CPAMD8: variants seen among roughly 807,000 people sequenced by gnomAD.
CPAMD8 encodes C3 and PZP like alpha-2-macroglobulin domain containing 8, also known as C3 and PZP-like alpha-2-macroglobulin domain-containing protein 8.
A neutral mutation model predicts 224.7 loss-of-function variants in CPAMD8; 146 were observed. The ratio of observed to expected loss-of-function variants is 0.65; its 90% CI spans 0.57 to 0.75. CPAMD8 has a LOEUF of 0.75. Among genes scored for constraint, CPAMD8 ranks in the 30% least tolerant of loss-of-function variants. The pLI is 0.00. For synonymous variants in CPAMD8, 966 were observed against 1,044.6 expected (o/e 0.92, Z 1.45); for missense variants, 2,301 against 2,537.5 (o/e 0.91, Z 2.00).
At chr19:16,979,768 T>C (rs145926320) in intron 14 of CPAMD8, among the ~76,000 whole-genome samples, 69 of 151,826 alleles carry the variant, frequency 4.5e-4, no homozygotes, top group African/African-American at 1.6e-3. Flanking sequence ...CTTGCCCAAA[T>C]GTTGATAGTG....
intron 16 of CPAMD8, among the ~76,000 whole-genome samples, chr19:16,975,647 A>G (rs1319773800): frequency 6.6e-6 from 1 of 152,034 alleles, no homozygotes. Context: ...GGTGTTCGCT[A>G]CAGTGAGCTA....
intron 20 of CPAMD8, among the ~76,000 whole-genome samples, chr19:16,951,602 CAT>C (rs1376692253): frequency 6.6e-6 from 1 of 152,078 alleles, no homozygotes; most frequent in African/African-American, 2.4e-5. Flanking sequence ...TCCATGCTAT[CAT>C]ATATGATACC....
At chr19:16,904,766 G>A (rs1042457338) in intron 30 of CPAMD8, among the ~76,000 whole-genome samples, 4 of 152,176 alleles carry the variant, frequency 2.6e-5, no homozygotes, top group Non-Finnish European at 5.9e-5. Flanking sequence ...TGTGCCCCTG[G>A]CAGACATCGT....
intron 13 of CPAMD8, among the ~76,000 whole-genome samples, chr19:16,984,844 A>G (rs1007964407): frequency 2.6e-5 from 4 of 152,116 alleles, no homozygotes; most frequent in African/African-American, 9.7e-5. Flanking sequence ...ACCCCTAAAA[A>G]CCAAGTACAT....
At chr19:16,894,921 A>AAC (rs3032709) in intron 41 of CPAMD8, 68,585 of 151,438 alleles carry the variant, frequency 0.45, 18,332 homozygotes, top group Non-Finnish European at 0.55. Flanking sequence ...CCATCTCTAC[A>AAC]ACACACACAC....
At chr19:16,962,269 A>G (rs1443166161) in intron 18 of CPAMD8, among the ~76,000 whole-genome samples, 1 of 152,220 alleles carries the variant, frequency 6.6e-6, no homozygotes, top group Non-Finnish European at 1.5e-5. Context: ...GTTCAAACCC[A>G]TCGCAAGGAA....
intron 30 of CPAMD8, among the ~76,000 whole-genome samples, chr19:16,906,386 CTTTCTTTCTTTCTTTCT>C (rs2052503441): frequency 6.5e-4 from 49 of 75,570 alleles, no homozygotes; most frequent in African/African-American, 1.5e-3. Flanking sequence ...TTCTTTCTTT[CTTTCTTTCTTTCTTTCT>C]TTCTTTCCTT....
chr19:17,008,629 GAT>G, intron 6 of CPAMD8, 70 bp from the exon 7 acceptor site: 1 of 1,512,152 alleles, frequency 6.6e-7, no homozygotes, highest in Non-Finnish European at 9.2e-7. Flanking sequence ...CCAATGTAAG[GAT>G]TTTCCCAGTC....
chr19:17,012,691 C>T (rs1223400873), intron 3 of CPAMD8, among the ~76,000 whole-genome samples: 1 of 152,180 alleles, frequency 6.6e-6, no homozygotes, highest in East Asian at 1.9e-4. Context: ...AGTTATGGAG[C>T]CTTCTCTTCT....
chr19:16,989,802 C>T (rs112713329), intron 12 of CPAMD8, 31 bp from the exon 13 acceptor site: 108 of 1,610,120 alleles, frequency 6.7e-5, no homozygotes, highest in African/African-American at 4.3e-4. Flanking sequence ...GATCAACACC[C>T]GAGTGCCAAG....
chr19:16,938,560 T>C (rs1488737141), intron 22 of CPAMD8, 114 bp from the exon 23 acceptor site: 2 of 634,406 alleles, frequency 3.2e-6, no homozygotes, highest in Admixed American at 6.8e-5. Context: ...CACATAATTG[T>C]GCTTCCAGGT....
intron 41 of CPAMD8, chr19:16,893,839 C>T (rs1194554019): frequency 6.3e-6 from 1 of 158,192 alleles, no homozygotes; most frequent in African/African-American, 2.4e-5. Flanking sequence ...CCCGAGGTCC[C>T]CGGGGGGCGA....
At chr19:16,914,547 C>A in intron 28 of CPAMD8, 49 bp from the exon 29 acceptor site, 1 of 1,608,592 alleles carries the variant, frequency 6.2e-7, no homozygotes, top group African/African-American at 1.3e-5. Flanking sequence ...AGACAGTCCA[C>A]TTCCCCCCAC....
At chr19:16,992,785 G>A (rs1199468417) in intron 12 of CPAMD8, among the ~76,000 whole-genome samples, 4 of 152,064 alleles carry the variant, frequency 2.6e-5, no homozygotes, top group African/African-American at 9.7e-5. Context: ...GCTGGGTGAG[G>A]TGCTAATTAC....
chr19:16,978,674 G>T (rs1332339355), intron 14 of CPAMD8, among the ~76,000 whole-genome samples: 1 of 152,116 alleles, frequency 6.6e-6, no homozygotes, highest in Non-Finnish European at 1.5e-5. Context: ...GCATGGGATG[G>T]TCCCAAATGT....
rs35674378 is a variant in CPAMD8, at chr19:16,979,559, T to TATCC, written c.1585+934_1585+937dup. Reference sequence around the variant, plus strand: ...CTGTCCATTCATCCATCTATCCACCTATCCATCCATCCATCCATCCTTCCA... The same window carrying TATCC: ...CTGTCCATTCATCCATCTATCCACCTATCCATCCATCCATCCATCCATCCTTCCA... On this transcript the variant is annotated intron_variant, in intron 14 of 41. Coordinates refer to ENST00000443236, the MANE Select transcript of CPAMD8 (RefSeq NM_015692.5). 8.2e-5 allele frequency among the ~76,000 whole-genome samples: 12 copies of TATCC among 146,620 alleles called. No individual in the cohort carries two copies. In the East Asian group the frequency reaches 8.3e-4, roughly 10 times the overall value.
At chr19:16,972,918 C>T (rs1022844889) in intron 17 of CPAMD8, among the ~76,000 whole-genome samples, 1 of 152,138 alleles carries the variant, frequency 6.6e-6, no homozygotes, top group Non-Finnish European at 1.5e-5. Flanking sequence ...TCTGTAATCC[C>T]AGCACTTCGG....
intron 29 of CPAMD8, among the ~76,000 whole-genome samples, chr19:16,909,612 G>A (rs564860152): frequency 2.6e-5 from 4 of 152,048 alleles, no homozygotes; most frequent in Admixed American, 2.6e-4. Context: ...AGGCATGGTG[G>A]CCCATGCCTG....
At chr19:17,002,839 A>G (rs1271410599) in intron 8 of CPAMD8, among the ~76,000 whole-genome samples, 1 of 152,014 alleles carries the variant, frequency 6.6e-6, no homozygotes. Context: ...ACCAGAAAGA[A>G]TCGGGTCCTG....
Sources: gnomAD v4.1 joint callset for allele counts (sites outside exome capture counted in the v4.1 genomes callset) on GRCh38, gnomAD v4.1.1 for gene constraint, MANE v1.5 for transcripts, NCBI Gene and HGNC (gene_info 2026-07-23, HGNC 2026-07-21) for gene names.